Variants in UGT1A10 observed in about 807,000 individuals in gnomAD.
UGT1A10 encodes the protein UDP-glucuronosyltransferase 1A10.
In UGT1A10, 49 loss-of-function variants were observed where a neutral mutation model predicts 45.8. The observed-to-expected ratio is 1.07, with a 90% confidence interval of 0.85 to 1.36. The LOEUF (loss-of-function observed/expected upper bound fraction) is 1.36, where lower values mean the gene tolerates loss of function less well. Ranked by LOEUF, UGT1A10 falls within the 40% of genes most tolerant of loss-of-function variation. The pLI, the probability that UGT1A10 is intolerant of heterozygous loss-of-function variation, is 0.00. For missense variants in UGT1A10, 745 were observed against 668.6 expected, an observed-to-expected ratio of 1.11 and a Z score of -1.26; for synonymous variants, 284 against 249.7, an observed-to-expected ratio of 1.14 and a Z score of -1.29.
At chr2:233,756,340 T>C (rs1696187802) in intron 1 of UGT1A10, 1 of 152,248 alleles carries the variant, frequency 6.6e-6, no homozygotes, top group Non-Finnish European at 1.5e-5. Flanking sequence ...AGTCATCTCT[T>C]GATTACTTTT....
intron 1 of UGT1A10, among the ~76,000 whole-genome samples, chr2:233,717,328 C>T (rs2076563793): frequency 6.6e-6 from 1 of 152,198 alleles, no homozygotes; most frequent in Non-Finnish European, 1.5e-5. Context: ...TGTGTCCTCA[C>T]AAATCCCCAG....
chr2:233,668,447 G>A (rs2074120971), intron 1 of UGT1A10, among the ~76,000 whole-genome samples: 1 of 152,164 alleles, frequency 6.6e-6, no homozygotes, highest in Non-Finnish European at 1.5e-5. Flanking sequence ...TCTTAATCCA[G>A]TCTACCACTG....
chr2:233,717,373 A>G (rs1210883580), intron 1 of UGT1A10, among the ~76,000 whole-genome samples: 1 of 152,192 alleles, frequency 6.6e-6, no homozygotes, highest in Admixed American at 6.5e-5. Context: ...TCAAGCCCTT[A>G]CAGACCTGCC....
At chr2:233,645,788 A>G (rs1417103423) in intron 1 of UGT1A10, among the ~76,000 whole-genome samples, 1 of 152,072 alleles carries the variant, frequency 6.6e-6, no homozygotes, top group Non-Finnish European at 1.5e-5. Flanking sequence ...AGTGGCATTG[A>G]GTGTCTGTGG....
At chr2:233,671,969 T>C (rs895250613) in intron 1 of UGT1A10, 1 of 1,613,954 alleles carries the variant, frequency 6.2e-7, no homozygotes, top group Non-Finnish European at 8.5e-7. Flanking sequence ...CCCCTTCCTC[T>C]ATGTGTGTGT....
chr2:233,662,189 T>C (rs2073986807), intron 1 of UGT1A10, among the ~76,000 whole-genome samples: 1 of 152,182 alleles, frequency 6.6e-6, no homozygotes, highest in Non-Finnish European at 1.5e-5. Context: ...TGTGCATAAG[T>C]TTTGATAAAT....
chr2:233,718,849 C>T (rs199761544), intron 1 of UGT1A10: 64 of 1,613,712 alleles, frequency 4.0e-5, no homozygotes, highest in South Asian at 1.6e-4. Flanking sequence ...GTTCCCCTGC[C>T]GCGGCTGGCC....
chr2:233,748,418 A>G (rs1693939912), intron 1 of UGT1A10, among the ~76,000 whole-genome samples: 1 of 151,750 alleles, frequency 6.6e-6, no homozygotes, highest in African/African-American at 2.4e-5. Context: ...TTGAGACTTG[A>G]CCCATCTGGA....
intron 1 of UGT1A10, chr2:233,693,961 T>A (rs2075191738): frequency 1.3e-6 from 2 of 1,580,192 alleles, no homozygotes; most frequent in South Asian, 2.4e-5. Flanking sequence ...CCTTGGAGGA[T>A]TTCCTGGAGA....
rs537699607 is a variant in UGT1A10, at chr2:233,703,598, C to T, written c.856-63436C>T. On this transcript the variant is annotated intron_variant, in intron 1 of 4. Coordinates refer to ENST00000344644, the MANE Select transcript of UGT1A10 (RefSeq NM_019075.4). ...GTCTATATTATCTTGCTTCATGATA[C>T]TGTGTCATTAAAAAAGTCTATTTTA... is the stretch of plus-strand genomic sequence containing the variant. Among the ~76,000 whole-genome samples the T allele has an allele frequency of 5.3e-5, 8 of 152,226 alleles. No individual in the cohort carries two copies. The East Asian group carries it at 1.5e-3, about 29-fold the overall frequency.
chr2:233,658,227 C>T (rs2073897086), intron 1 of UGT1A10, among the ~76,000 whole-genome samples: 1 of 152,108 alleles, frequency 6.6e-6, no homozygotes, highest in Non-Finnish European at 1.5e-5. Context: ...CCATGTTGAC[C>T]AGGCTGGCCT....
intron 1 of UGT1A10, among the ~76,000 whole-genome samples, chr2:233,646,765 TC>T (rs1375544859): frequency 6.6e-6 from 1 of 152,320 alleles, no homozygotes; most frequent in African/African-American, 2.4e-5. Flanking sequence ...TCTAGGGAGT[TC>T]CAAACTTTCC....
chr2:233,687,732 G>C (rs1405832632), intron 1 of UGT1A10, among the ~76,000 whole-genome samples: 1 of 151,936 alleles, frequency 6.6e-6, no homozygotes, highest in Non-Finnish European at 1.5e-5. Context: ...GGGAGACACT[G>C]TCTCTACAAA....
At chr2:233,697,377 A>G (rs556619948) in intron 1 of UGT1A10, among the ~76,000 whole-genome samples, 1 of 152,202 alleles carries the variant, frequency 6.6e-6, no homozygotes, top group East Asian at 1.9e-4. Context: ...AGAGTTCACA[A>G]TAATCGCTAA....
In UGT1A10 at chr2:233,720,107, C is replaced by T. The variant is rs542335836; in HGVS notation, c.856-46927C>T. ...GATAATTTTTAGTGGTCCCATCTTGCGAAAGATACAGAGGTGACCACAGGA... is the reference window on the plus strand; with the variant it reads ...GATAATTTTTAGTGGTCCCATCTTGTGAAAGATACAGAGGTGACCACAGGA... On this transcript the variant is annotated intron_variant, in intron 1 of 4. Transcript: ENST00000344644. Among the ~76,000 whole-genome samples, 144 of 152,152 alleles carry T rather than the reference C, an allele frequency of 9.5e-4. 1 individual carries two copies. Among genetic ancestry groups the T allele is most frequent in the African/African-American group, 3.2e-3 (134 of 41,490 alleles).
intron 1 of UGT1A10, among the ~76,000 whole-genome samples, chr2:233,765,979 GCTC>G (rs2126021756): frequency 6.6e-6 from 1 of 152,256 alleles, no homozygotes; most frequent in Middle Eastern, 3.4e-3. Flanking sequence ...GATGTTTACA[GCTC>G]CTGAAGCTCC....
At chr2:233,729,380 C>T (rs1362745678) in intron 1 of UGT1A10, 2 of 1,613,892 alleles carry the variant, frequency 1.2e-6, no homozygotes, top group Admixed American at 3.3e-5. Flanking sequence ...ATTTCGTGGA[C>T]CCAGGATGAA....
intron 1 of UGT1A10, among the ~76,000 whole-genome samples, chr2:233,680,703 T>C (rs1021563912): frequency 1.3e-5 from 2 of 152,110 alleles, no homozygotes; most frequent in African/African-American, 4.8e-5. Flanking sequence ...AGGTAGAAGA[T>C]GTAATCTCAT....
At chr2:233,719,118 T>G (rs1175236836) in intron 1 of UGT1A10, 4 of 1,614,062 alleles carry the variant, frequency 2.5e-6, no homozygotes, top group Non-Finnish European at 2.5e-6. Context: ...CACTCAAGGG[T>G]TCTTTGAAAC....
Sources: allele counts gnomAD v4.1 joint callset (sites outside exome capture counted in the v4.1 genomes callset), GRCh38; gene constraint gnomAD v4.1.1; transcripts MANE v1.5; gene names NCBI Gene and HGNC (gene_info 2026-07-23, HGNC 2026-07-21).